Variants in MCC observed in about 807,000 individuals in gnomAD.
MCC encodes the protein MCC regulator of Wnt signaling pathway, also known as colorectal mutant cancer protein.
A neutral mutation model predicts 116.2 loss-of-function variants in MCC; 90 were observed. The observed-to-expected ratio is 0.77, with a 90% CI of 0.65 to 0.92. MCC has a LOEUF of 0.92. Ranked by LOEUF, MCC falls within the 40% of genes least tolerant of loss-of-function variation. The pLI, the probability that MCC is intolerant of heterozygous loss-of-function variation, is 0.00. For missense variants in MCC, 1,516 were observed against 1,312.2 expected, an observed-to-expected ratio of 1.16 and a Z score of -2.40; for synonymous variants, 578 against 510.5, an observed-to-expected ratio of 1.13 and a Z score of -1.78.
chr5:113,202,785 T>TC (rs1290079225), intron 3 of MCC, among the ~76,000 whole-genome samples: 1 of 30,264 alleles, frequency 3.3e-5, no homozygotes, highest in Non-Finnish European at 1.3e-4. Flanking sequence ...TTGCCCTTTA[T>TC]TTAAAAAAAA....
chr5:113,095,094 C>T (rs1755925189), intron 8 of MCC, among the ~76,000 whole-genome samples: 1 of 152,134 alleles, frequency 6.6e-6, no homozygotes, highest in Non-Finnish European at 1.5e-5. Context: ...CTCAGTGTGC[C>T]TTCATGTAGC....
intron 1 of MCC, chr5:113,399,966 A>C (rs1769635268): frequency 6.6e-6 from 1 of 152,194 alleles, no homozygotes; most frequent in South Asian, 2.1e-4. Flanking sequence ...AATGACTAAA[A>C]GCCAACATTC....
rs1770788584 is a variant in MCC, at chr5:113,434,596, A to G, written c.171-49384T>C. On this transcript the variant is annotated intron_variant, in intron 1 of 18. Coordinates refer to ENST00000408903, the MANE Select transcript of MCC (RefSeq NM_001085377.2). The surrounding 1 kb of genome is among the most constrained non-coding windows in gnomAD (Gnocchi z 4.2). The stretch of plus-strand genomic sequence containing the variant: ...ATGACGATGTAGACCTTGCCATGTG[A>G]TGTCTCAAAGATCTCGTAGGTCTTA... 1 of 1,613,782 alleles carries G rather than the reference A, an allele frequency of 6.2e-7. No individual in the cohort carries two copies. The highest frequency in any genetic ancestry group is 8.5e-7 in the Non-Finnish European group (1 of 1,179,858).
chr5:113,089,839 T>C (rs7734411), intron 8 of MCC, among the ~76,000 whole-genome samples: 69,517 of 151,996 alleles, frequency 0.46, 17,474 homozygotes, highest in African/African-American at 0.69. Flanking sequence ...GCTGGGGTGA[T>C]TCAGTGGATC....
rs1752127891 is a variant in MCC at position 113,046,873 on chromosome 5, T to C, written c.2655+2220A>G. Among the ~76,000 whole-genome samples the C allele has an allele frequency of 2.0e-5, 3 of 152,098 alleles. No homozygotes were observed. The South Asian group carries it at 6.2e-4, about 32-fold the overall frequency. ...TGGCTTCATAGTGCACTTGGCATAG[T>C]GACTTCTCTAAAGCCCAAACTGTAT... On this transcript the variant is annotated intron_variant, in intron 16 of 18. Coordinates refer to ENST00000408903, the MANE Select transcript of MCC (RefSeq NM_001085377.2).
chr5:113,464,446 G>A (rs949407312), intron 1 of MCC, among the ~76,000 whole-genome samples: 10 of 152,138 alleles, frequency 6.6e-5, no homozygotes, highest in African/African-American at 2.4e-4. Flanking sequence ...ATAAATGGCT[G>A]CTCCCTAGCC....
intron 3 of MCC, among the ~76,000 whole-genome samples, chr5:113,169,458 C>G (rs10071310): frequency 2.0e-5 from 3 of 152,058 alleles, no homozygotes. Flanking sequence ...CATGGACCAG[C>G]AAGGCCAAGC....
At chr5:113,300,560 G>T (rs1766837149) in intron 3 of MCC, among the ~76,000 whole-genome samples, 1 of 152,270 alleles carries the variant, frequency 6.6e-6, no homozygotes. Flanking sequence ...AGTGAATTTT[G>T]AGGGCATAGG....
chr5:113,171,884 A>G (rs560593557), intron 3 of MCC, among the ~76,000 whole-genome samples: 12 of 152,284 alleles, frequency 7.9e-5, no homozygotes, highest in African/African-American at 2.9e-4. Context: ...GCCCCTACAT[A>G]AGGAAGGCTC....
chr5:113,031,845 G>A (rs1386713835), intron 17 of MCC, among the ~76,000 whole-genome samples: 9 of 152,120 alleles, frequency 5.9e-5, no homozygotes, highest in Admixed American at 2.0e-4. Context: ...CAGAAGGGCA[G>A]GAGAGAGTCT....
intron 14 of MCC, among the ~76,000 whole-genome samples, chr5:113,059,507 G>A (rs1373582341): frequency 1.3e-5 from 2 of 152,214 alleles, no homozygotes; most frequent in Non-Finnish European, 2.9e-5. Flanking sequence ...TGGAATGCTG[G>A]ATGATCTCAG....
At chr5:113,281,346 A>G (rs1561503896) in intron 3 of MCC, among the ~76,000 whole-genome samples, 1 of 152,320 alleles carries the variant, frequency 6.6e-6, no homozygotes, top group South Asian at 2.1e-4. Flanking sequence ...CACTGATAAA[A>G]TCTTTACAGT....
rs543340426 is a variant in MCC at position 113,270,616 on chromosome 5, A to G, written c.627+69903T>C. On this transcript the variant is annotated intron_variant, in intron 3 of 18. Transcript: ENST00000408903. ...CTCCCTGTATCCCACACAATGGGACACAGAAATGCTTCATGTTTTCTGATG... is the reference window on the plus strand; with the variant it reads ...CTCCCTGTATCCCACACAATGGGACGCAGAAATGCTTCATGTTTTCTGATG... Among the ~76,000 whole-genome samples the G allele has an allele frequency of 2.0e-5, 3 of 149,184 alleles. No individual in the cohort carries two copies. The South Asian group carries it at 6.6e-4, about 33-fold the overall frequency.
chr5:113,287,058 T>C (rs747958070), intron 3 of MCC, among the ~76,000 whole-genome samples: 1 of 152,176 alleles, frequency 6.6e-6, no homozygotes, highest in Non-Finnish European at 1.5e-5. Context: ...GATATCACTG[T>C]TGGGAATCCG....
chr5:113,035,189 T>C lies in MCC; in HGVS notation c.2757-6133A>G, dbSNP rs181940337. On this transcript the variant is annotated intron_variant, in intron 17 of 18. Coordinates refer to ENST00000408903, the MANE Select transcript of MCC (RefSeq NM_001085377.2). The stretch of plus-strand genomic sequence containing the variant: ...GCACCACCTTTCAGCCAGTCACTCA[T>C]TGGGCTCAGATCTCTCTGCCTTCTT... Among the ~76,000 whole-genome samples the C allele has an allele frequency of 1.3e-3, 192 of 152,348 alleles. 1 individual carries two copies. The highest frequency in any genetic ancestry group is 5.3e-4 in the Non-Finnish European group (36 of 68,032).
chr5:113,103,993 A>AC (rs557444089), intron 7 of MCC, among the ~76,000 whole-genome samples, 199 bp downstream of exon 7: 194 of 152,282 alleles, frequency 1.3e-3, no homozygotes, highest in African/African-American at 4.4e-3. Flanking sequence ...TGCTGACATC[A>AC]TGACTTTTTC....
At position 113,047,023 on chromosome 5, in the gene MCC, C is replaced by G. The variant is rs978310660; in HGVS notation, c.2655+2070G>C. On this transcript the variant is annotated intron_variant, in intron 16 of 18. Transcript: ENST00000408903. ...TGCTGTCCCATCAGCCTAAGGGCAC[C>G]TCTTCTCTCCCCTGGCCCTCCACCT... is the stretch of plus-strand genomic sequence containing the variant. 5.3e-5 allele frequency among the ~76,000 whole-genome samples: 8 copies of G among 152,170 alleles called. No homozygotes were observed. The East Asian group carries it at 1.5e-3, about 29-fold the overall frequency.
In MCC at chr5:113,283,131, G is replaced by C. The variant is rs1295373768; in HGVS notation, c.627+57388C>G. Among the ~76,000 whole-genome samples, 5 of 152,350 alleles carry C rather than the reference G, an allele frequency of 3.3e-5. No individual in the cohort carries two copies. The Middle Eastern group carries it at 0.01, about 311-fold the overall frequency. Reference sequence around the variant, plus strand: ...GGAGGAGCCTTCCTGGGCTTGGGCAGAGCCCATTTATTTTCTGTGGAGAGG... The same window carrying C: ...GGAGGAGCCTTCCTGGGCTTGGGCACAGCCCATTTATTTTCTGTGGAGAGG... On this transcript the variant is annotated intron_variant, in intron 3 of 18. Coordinates refer to ENST00000408903, the MANE Select transcript of MCC (RefSeq NM_001085377.2).
At chr5:113,349,708 G>C (rs1328315899) in intron 2 of MCC, among the ~76,000 whole-genome samples, 1 of 151,936 alleles carries the variant, frequency 6.6e-6, no homozygotes, top group East Asian at 1.9e-4. Context: ...AATCAGATAA[G>C]AGAAAGATAT....
Sources: allele counts gnomAD v4.1 joint callset (sites outside exome capture counted in the v4.1 genomes callset), GRCh38; gene constraint gnomAD v4.1.1; non-coding constraint Gnocchi (gnomAD v3.1); transcripts MANE v1.5; gene names NCBI Gene and HGNC (gene_info 2026-07-23, HGNC 2026-07-21).